Variants in GRWD1 observed in about 807,000 individuals in gnomAD.
The protein encoded by GRWD1 is glutamate rich WD repeat containing 1.
Under a neutral mutation model 45.3 loss-of-function variants are expected in GRWD1, and 29 were observed. That is an observed-to-expected ratio of 0.64 (90% CI 0.48 to 0.87). The LOEUF is 0.87. Among genes scored for constraint, GRWD1 ranks in the 40% least tolerant of loss-of-function variants. The pLI is 0.00. For missense variants in GRWD1, 592 were observed against 618.8 expected, an observed-to-expected ratio of 0.96 and a Z score of 0.46; for synonymous variants, 262 against 257.6, an observed-to-expected ratio of 1.02 and a Z score of -0.16.
At position 48,454,343 on chromosome 19, in the gene GRWD1, G is replaced by C. The variant is rs886333749; in HGVS notation, c.*1318G>C. Reference sequence around the variant, plus strand: ...GCTGTCTCCTGTCCAGCCTGCCTGGGCTGTGGCCCAGCCGCTCTGCCTGGC... The same window carrying C: ...GCTGTCTCCTGTCCAGCCTGCCTGGCCTGTGGCCCAGCCGCTCTGCCTGGC... On this transcript the variant is annotated 3_prime_UTR_variant, in exon 7 of 7. Transcript: ENST00000253237. The C allele has an allele frequency of 1.3e-5, 2 of 152,264 alleles. No individual in the cohort carries two copies. The highest frequency in any genetic ancestry group is 4.9e-5 in the African/African-American group (2 of 41,236). 9.4% of individuals were successfully genotyped at this position (152,264 alleles called of 1,614,324 possible).
At position 48,450,235 on chromosome 19, in the gene GRWD1, A is replaced by T. The variant is rs974616449; in HGVS notation, c.469-78A>T. 6.3e-6 allele frequency: 7 copies of T among 1,119,122 alleles called. No homozygotes were observed. In the African/African-American group the frequency reaches 1.1e-4, roughly 17 times the overall value. 69.3% of individuals were successfully genotyped at this position (1,119,122 alleles called of 1,614,324 possible). ...AAGCGCACTTCTGGTTCTCTGGGAT[A>T]TGGGGAGCGTGGGGTCAGTGCCTTG... On this transcript the variant is annotated intron_variant, in intron 3 of 6. Coordinates refer to ENST00000253237, the MANE Select transcript of GRWD1 (RefSeq NM_031485.4). This position sits in a 1 kb window ranked among gnomAD's most constrained non-coding sequence, Gnocchi z 5.1.
chr19:48,453,147 G>A lies in GRWD1; in HGVS notation c.*122G>A, dbSNP rs1971495887. 1 of 818,702 alleles carries A rather than the reference G, an allele frequency of 1.2e-6. No homozygotes were observed. The highest frequency in any genetic ancestry group is 1.7e-5 in the African/African-American group (1 of 58,086). The allele number at this position is 818,702 out of a possible 1,614,324, so 50.7% of individuals were successfully genotyped here. On this transcript the variant is annotated 3_prime_UTR_variant, in exon 7 of 7. Coordinates refer to ENST00000253237, the MANE Select transcript of GRWD1 (RefSeq NM_031485.4). Reference sequence around the variant, plus strand: ...GGCCGGCCTGTGGGCTGCCGTGATGGATTCTGTTTGACGTATTGTTCTCTA... The same window carrying A: ...GGCCGGCCTGTGGGCTGCCGTGATGAATTCTGTTTGACGTATTGTTCTCTA...
At chr19:48,451,562 T>A (rs933657374) in intron 6 of GRWD1, among the ~76,000 whole-genome samples, 1 of 152,062 alleles carries the variant, frequency 6.6e-6, no homozygotes, top group Non-Finnish European at 1.5e-5. Context: ...TTCAGAGAGT[T>A]GTAGATTTCT....
Position 48,451,091 on chromosome 19 carries a change from C to G in GRWD1, c.883C>G (p.Pro295Ala), listed in dbSNP as rs1456230245. ...SIRIWDIRAAPSKACMLTTAT... is the reference protein window; with the variant it reads ...SIRIWDIRAAASKACMLTTAT... ...CCGCATCTGGGACATCCGGGCAGCC[C>G]CCAGCAAGGCCTGCATGCTCACCAC... The change falls in exon 6 of 7, where the codon CCC (proline) becomes GCC (alanine). Residue 295 changes from proline to alanine, a missense_variant. Transcript: ENST00000253237. 1 of 1,614,096 alleles carries G rather than the reference C, an allele frequency of 6.2e-7. No individual in the cohort carries two copies. The highest frequency in any genetic ancestry group is 1.1e-5 in the South Asian group (1 of 91,080).
At chr19:48,449,141 C>T (rs13346687) in intron 3 of GRWD1, among the ~76,000 whole-genome samples, 5,105 of 152,040 alleles carry the variant, frequency 0.034, 306 homozygotes, top group African/African-American at 0.12. Context: ...TCGCCCAGGC[C>T]GGAGCGCAAT....
chr19:48,446,353 C>CT (rs769806541), intron 1 of GRWD1, 32 bp from the exon 2 acceptor site: 7 of 1,604,680 alleles, frequency 4.4e-6, no homozygotes, highest in Middle Eastern at 1.7e-4. Context: ...ACTGTCCCGT[C>CT]TTAACTCGTA....
At chr19:48,447,596 C>G (rs1318169783) in intron 3 of GRWD1, among the ~76,000 whole-genome samples, 9 of 151,802 alleles carry the variant, frequency 5.9e-5, no homozygotes, top group Admixed American at 1.3e-4. Context: ...AGGCTGGTCT[C>G]AAACTCCTGA....
In GRWD1 at chr19:48,450,760, CCA is replaced by C. The variant is rs1971465026; in HGVS notation, c.783_784del (p.Arg262LeufsTer11). 3 of 1,614,052 alleles carry C rather than the reference CCA, an allele frequency of 1.9e-6. No individual in the cohort carries two copies. The highest frequency in any genetic ancestry group is 1.1e-5 in the South Asian group (1 of 91,072). ...WHVDQRPFVG[H>X]TRSVEDLQWS... Reference sequence around the variant, plus strand: ...ACGTGGACCAGCGGCCATTCGTGGGCCACACACGCTCTGTGGAGGACCTGCAG... The same window carrying C: ...ACGTGGACCAGCGGCCATTCGTGGGCCACACGCTCTGTGGAGGACCTGCAG... On this transcript the variant is annotated frameshift_variant, in exon 5 of 7. Transcript: ENST00000253237. LOFTEE classifies it high-confidence loss of function. The surrounding 1 kb of genome is among the most constrained non-coding windows in gnomAD (Gnocchi z 5.1).
At position 48,455,044 on chromosome 19, in the gene GRWD1, C is replaced by G. The variant is rs1478599227; in HGVS notation, c.*2019C>G. The stretch of plus-strand genomic sequence containing the variant: ...TCCCCCCCTCTCTCTGGGTCTCTGT[C>G]CCCCTCTGTCTCTGAGTCTCTATCC... On this transcript the variant is annotated 3_prime_UTR_variant, in exon 7 of 7. Coordinates refer to ENST00000253237, the MANE Select transcript of GRWD1 (RefSeq NM_031485.4). 1.4e-5 allele frequency: 2 copies of G among 144,508 alleles called. No individual in the cohort carries two copies. The highest frequency in any genetic ancestry group is 3.0e-5 in the Non-Finnish European group (2 of 66,452). 9.0% of individuals were successfully genotyped at this position (144,508 alleles called of 1,614,324 possible). A position where few individuals can be genotyped will look rare whatever the true frequency, so the allele number is the denominator to read the frequency against.
rs375285900 is a variant in GRWD1 at position 48,451,022 on chromosome 19, C to T, written c.826-12C>T. On this transcript the variant is annotated splice_polypyrimidine_tract_variant and intron_variant, in intron 5 of 6. Coordinates refer to ENST00000253237, the MANE Select transcript of GRWD1 (RefSeq NM_031485.4). The stretch of plus-strand genomic sequence containing the variant: ...GGGGGCATTGGGACCACTCAGACTC[C>T]GCCTCCCCCAGGTGTTTGCCTCCTG... 1.1e-4 allele frequency: 172 copies of T among 1,609,178 alleles called. No homozygotes were observed. The highest frequency in any genetic ancestry group is 7.2e-4 in the South Asian group (65 of 90,746).
chr19:48,447,171 T>TCCA (rs1971419622), intron 3 of GRWD1, among the ~76,000 whole-genome samples: 1 of 150,684 alleles, frequency 6.6e-6, no homozygotes, highest in Non-Finnish European at 1.5e-5. Flanking sequence ...CTTCCCAGGT[T>TCCA]CAAGGGATTC....
In GRWD1 at chr19:48,450,626, G is replaced by C. The variant is rs367788491; in HGVS notation, c.683-40G>C. 1.6e-4 allele frequency: 259 copies of C among 1,610,248 alleles called. 1 individual carries two copies. Among genetic ancestry groups the C allele is most frequent in the Admixed American group, 5.2e-4 (31 of 59,928 alleles). On this transcript the variant is annotated intron_variant, in intron 4 of 6. Transcript: ENST00000253237. This position sits in a 1 kb window ranked among gnomAD's most constrained non-coding sequence, Gnocchi z 5.1. ...ACTCCAAGGAGGGGAGCGAGCTGCG[G>C]CCAGGTGGGGCGAGGTCATTTCCTG...
Position 48,453,274 on chromosome 19 carries a change from G to A in GRWD1, c.*249G>A, listed in dbSNP as rs996597731. ...CCCAGAGACTTGTGTGGCCTGGTGT[G>A]GCCTGTGTGTCGGATTCCTTCCTGT... On this transcript the variant is annotated 3_prime_UTR_variant, in exon 7 of 7. Transcript: ENST00000253237. 1.8e-5 allele frequency: 8 copies of A among 442,826 alleles called. No individual in the cohort carries two copies. The highest frequency in any genetic ancestry group is 1.6e-4 in the African/African-American group (8 of 49,978). 27.4% of individuals were successfully genotyped at this position (442,826 alleles called of 1,614,324 possible).
rs1302300330 is a variant in GRWD1, at chr19:48,453,683, G to C, written c.*658G>C. On this transcript the variant is annotated 3_prime_UTR_variant, in exon 7 of 7. Coordinates refer to ENST00000253237, the MANE Select transcript of GRWD1 (RefSeq NM_031485.4). The stretch of plus-strand genomic sequence containing the variant: ...GCTGCTGGTTCCCAGCAGGGGACTC[G>C]GGGGATATACAGTGGCTGCACCAAA... The C allele has an allele frequency of 6.6e-6, 1 of 152,202 alleles. No homozygotes were observed. Among genetic ancestry groups the C allele is most frequent in the Non-Finnish European group, 1.5e-5 (1 of 68,074 alleles). 9.4% of individuals were successfully genotyped at this position (152,202 alleles called of 1,614,324 possible). A position where few individuals can be genotyped will look rare whatever the true frequency, so the allele number is the denominator to read the frequency against.
At chr19:48,447,279 C>T (rs1049192402) in intron 3 of GRWD1, among the ~76,000 whole-genome samples, 14 of 151,848 alleles carry the variant, frequency 9.2e-5, no homozygotes, top group African/African-American at 2.9e-4. Context: ...TGAAGTCTTG[C>T]TCTGTCGCTT....
chr19:48,446,643 G>A (rs1309644548), intron 2 of GRWD1, 38 bp from the exon 3 acceptor site: 1 of 1,555,106 alleles, frequency 6.4e-7, no homozygotes, highest in Non-Finnish European at 8.7e-7. Flanking sequence ...TAAGAATCCT[G>A]GAATCTAGTG....
intron 3 of GRWD1, among the ~76,000 whole-genome samples, chr19:48,448,665 C>T (rs991666100): frequency 6.6e-6 from 1 of 152,142 alleles, no homozygotes; most frequent in Non-Finnish European, 1.5e-5. Flanking sequence ...GGTAGTGGGG[C>T]AGTGAACCCT....
chr19:48,449,313 C>T (rs975004457), intron 3 of GRWD1, among the ~76,000 whole-genome samples: 3 of 152,064 alleles, frequency 2.0e-5, no homozygotes, highest in Admixed American at 6.6e-5. Flanking sequence ...AGGGTGGTCT[C>T]GCTCCTGACC....
At chr19:48,446,628 C>T (rs1971406113) in intron 2 of GRWD1, 53 bp from the exon 3 acceptor site, 3 of 1,552,084 alleles carry the variant, frequency 1.9e-6, no homozygotes, top group African/African-American at 1.4e-5. Flanking sequence ...AGCCTCTCTC[C>T]TTCCTAAGAA....
Sources: gnomAD v4.1 joint callset for allele counts (sites outside exome capture counted in the v4.1 genomes callset) on GRCh38, gnomAD v4.1.1 for gene constraint, Gnocchi (gnomAD v3.1) non-coding constraint, MANE v1.5 for transcripts, NCBI Gene and HGNC (gene_info 2026-07-23, HGNC 2026-07-21) for gene names.